ABCC5: variants seen among roughly 807,000 people sequenced by gnomAD.
ABCC5 encodes the protein ATP binding cassette subfamily C member 5.
Under a neutral mutation model 160.9 loss-of-function variants are expected in ABCC5, and 61 were observed. The ratio of observed to expected loss-of-function variants is 0.38; its 90% CI spans 0.31 to 0.47. The LOEUF is 0.47. ABCC5 is among the 20% of genes least tolerant of loss of function. ABCC5 has a pLI of 0.99. For synonymous variants in ABCC5, 666 were observed against 700.6 expected (o/e 0.95, Z 0.78); for missense variants, 1,308 against 1,813.3 (o/e 0.72, Z 5.06).
In ABCC5 at chr3:183,961,738, C is replaced by T. The variant is rs570848955; in HGVS notation, c.2236-84G>A. On this transcript the variant is annotated intron_variant, in intron 15 of 29. Transcript: ENST00000334444. The stretch of plus-strand genomic sequence containing the variant: ...CATACATTAGTTCAGTAGTTCTCTA[C>T]AGGAGACGAGTTAAGCTCCCAGAAG... The T allele has an allele frequency of 3.6e-5, 55 of 1,529,022 alleles. No individual in the cohort carries two copies. In the African/African-American group the frequency reaches 6.9e-4, roughly 19 times the overall value. 94.7% of individuals were successfully genotyped at this position (1,529,022 alleles called of 1,614,324 possible).
chr3:183,983,256 T>C (rs1362016183), intron 5 of ABCC5, among the ~76,000 whole-genome samples: 6 of 152,260 alleles, frequency 3.9e-5, no homozygotes, highest in African/African-American at 1.4e-4. Flanking sequence ...CTCTTTCTAA[T>C]GTAACATAAA....
At chr3:183,968,965 T>A (rs906951827) in intron 11 of ABCC5, among the ~76,000 whole-genome samples, 2 of 152,194 alleles carry the variant, frequency 1.3e-5, no homozygotes, top group African/African-American at 2.4e-5. Context: ...ACAAATAGTT[T>A]TTGACATGGT....
intron 2 of ABCC5, among the ~76,000 whole-genome samples, chr3:184,005,544 C>T (rs1488885512): frequency 6.7e-6 from 1 of 150,256 alleles, no homozygotes; most frequent in African/African-American, 2.5e-5. Flanking sequence ...TTAACCATTG[C>T]AAAGCCTTCT....
intron 9 of ABCC5, 133 bp from the exon 10 acceptor site, chr3:183,977,757 A>AT (rs200446876): frequency 0.092 from 43,651 of 473,654 alleles, no homozygotes; most frequent in South Asian, 0.13. Flanking sequence ...AGTCAATTAC[A>AT]TTTTTTTTTT....
chr3:184,004,071 G>T (rs1293590387), intron 2 of ABCC5, among the ~76,000 whole-genome samples: 3 of 152,118 alleles, frequency 2.0e-5, no homozygotes, highest in Non-Finnish European at 4.4e-5. Flanking sequence ...TCTGGAATAG[G>T]ACCCCAACAC....
intron 24 of ABCC5, among the ~76,000 whole-genome samples, chr3:183,944,115 G>A (rs116472041): frequency 6.6e-6 from 1 of 152,134 alleles, no homozygotes; most frequent in Non-Finnish European, 1.5e-5. Context: ...TTTTCAGGCC[G>A]GACACTATGG....
rs963450878 is a variant in ABCC5, at chr3:183,920,630, C to T, written c.*670G>A. 1.3e-5 allele frequency: 2 copies of T among 152,704 alleles called. No individual in the cohort carries two copies. The highest frequency in any genetic ancestry group is 2.9e-5 in the Non-Finnish European group (2 of 68,076). The allele number at this position is 152,704 out of a possible 1,614,324, so 9.5% of individuals were successfully genotyped here. A position where few individuals can be genotyped will look rare whatever the true frequency, so the allele number is the denominator to read the frequency against. On this transcript the variant is annotated 3_prime_UTR_variant, in exon 30 of 30. Transcript: ENST00000334444. The surrounding 1 kb of genome is among the most constrained non-coding windows in gnomAD (Gnocchi z 4.1). ...CTCCTGACAGAAACAGTAAGTGACA[C>T]CAGGACAGAAGGCAGGAGCCCTGAG...
At chr3:183,965,629 C>G (rs1717148609) in intron 12 of ABCC5, 128 bp from the exon 13 acceptor site, 1 of 1,212,594 alleles carries the variant, frequency 8.2e-7, no homozygotes, top group East Asian at 2.4e-5. Flanking sequence ...GACCCAAATC[C>G]AGATTCCACC....
chr3:183,998,263 T>C (rs193093017), intron 2 of ABCC5, among the ~76,000 whole-genome samples: 1 of 152,282 alleles, frequency 6.6e-6, no homozygotes, highest in Admixed American at 6.5e-5. Context: ...TGCTCCAGTA[T>C]TATTGCAAAA....
chr3:183,951,685 A>C lies in ABCC5; in HGVS notation c.2815-115T>G. On this transcript the variant is annotated intron_variant, in intron 19 of 29. Coordinates refer to ENST00000334444, the MANE Select transcript of ABCC5 (RefSeq NM_005688.4). This position sits in a 1 kb window ranked among gnomAD's most constrained non-coding sequence, Gnocchi z 4.7. ...AAGCGGGGAGGTGTGAGGGGTCAGG[A>C]GGGACAGGTGGCAAGTGAGAAAAGG... 1 of 1,498,866 alleles carries C rather than the reference A, an allele frequency of 6.7e-7. No individual in the cohort carries two copies. 92.8% of individuals were successfully genotyped at this position (1,498,866 alleles called of 1,614,324 possible).
At chr3:183,962,494 C>T (rs912706884) in intron 15 of ABCC5, among the ~76,000 whole-genome samples, 2 of 150,978 alleles carry the variant, frequency 1.3e-5, no homozygotes, top group Admixed American at 6.6e-5. Context: ...TATTGTGCCT[C>T]GTGACATAGT....
intron 17 of ABCC5, among the ~76,000 whole-genome samples, chr3:183,957,080 G>A (rs1577523022): frequency 9.1e-6 from 1 of 110,474 alleles, no homozygotes; most frequent in African/African-American, 3.5e-5. Context: ...ATGCGGGTCC[G>A]TGTGTACATC....
At position 183,951,491 on chromosome 3, in the gene ABCC5, G is replaced by A. The variant is rs564676660; in HGVS notation, c.2894C>T (p.Thr965Met). 74 of 1,614,148 alleles carry A rather than the reference G, an allele frequency of 4.6e-5. No individual in the cohort carries two copies. In the Middle Eastern group the frequency reaches 8.2e-4, roughly 18 times the overall value. The change falls in exon 20 of 30, where the codon ACG becomes ATG. Residue 965 changes from threonine to methionine, a missense_variant. Physicochemically the swap from Thr to Met is moderately conservative, Grantham distance 81. Transcript: ENST00000334444. The surrounding 1 kb of genome is among the most constrained non-coding windows in gnomAD (Gnocchi z 4.7). ...ILRSPMKFFD[T>M]TPTGRILNRF... The stretch of plus-strand genomic sequence containing the variant: ...GTTGAGAATCCTCCCTGTGGGGGTC[G>A]TGTCAAAAAACTTCATAGGGCTTCG...
rs1412254092 is a variant in ABCC5, at chr3:184,017,259, G to C, written c.-56+571C>G. 6.6e-6 allele frequency: 1 copy of C among 152,298 alleles called. No individual in the cohort carries two copies. The highest frequency in any genetic ancestry group is 2.1e-4 in the South Asian group (1 of 4,832). 9.4% of individuals were successfully genotyped at this position (152,298 alleles called of 1,614,324 possible). A position where few individuals can be genotyped will look rare whatever the true frequency, so the allele number is the denominator to read the frequency against. ...ACTGGATGACCGTGGAGAGATCTGG[G>C]CTGCGTTCCCGGCACAGCCACGGCT... On this transcript the variant is annotated intron_variant, in intron 1 of 29. Transcript: ENST00000334444. This position sits in a 1 kb window ranked among gnomAD's most constrained non-coding sequence, Gnocchi z 4.5.
chr3:184,014,184 T>G, intron 2 of ABCC5, 80 bp downstream of exon 2: 1 of 1,417,750 alleles, frequency 7.1e-7, no homozygotes, highest in Non-Finnish European at 9.7e-7. Context: ...AAAAATAAGT[T>G]TCTAAATTAC....
At chr3:183,936,328 G>T (rs1212788328) in intron 26 of ABCC5, among the ~76,000 whole-genome samples, 3 of 152,036 alleles carry the variant, frequency 2.0e-5, no homozygotes, top group Non-Finnish European at 4.4e-5. Context: ...CCCAGTCTAT[G>T]GTATGTTGGT....
At chr3:183,932,717 A>G (rs890707731) in intron 26 of ABCC5, among the ~76,000 whole-genome samples, 3 of 152,210 alleles carry the variant, frequency 2.0e-5, no homozygotes, top group African/African-American at 7.2e-5. Flanking sequence ...TAATCCCAGC[A>G]CTTTGGGAGG....
At chr3:183,976,107 A>T (rs1576879954) in intron 10 of ABCC5, among the ~76,000 whole-genome samples, 1 of 151,480 alleles carries the variant, frequency 6.6e-6, no homozygotes, top group East Asian at 1.9e-4. Context: ...TGGTTTTCTA[A>T]GAAGTGGCCA....
intron 2 of ABCC5, 52 bp downstream of exon 2, chr3:184,014,212 A>G: frequency 6.5e-7 from 1 of 1,534,462 alleles, no homozygotes; most frequent in Admixed American, 1.9e-5. Flanking sequence ...ACGAAAAAAG[A>G]TGTGTTTTAG....
Sources: allele counts gnomAD v4.1 joint callset (sites outside exome capture counted in the v4.1 genomes callset), GRCh38; gene constraint gnomAD v4.1.1; non-coding constraint Gnocchi (gnomAD v3.1); transcripts MANE v1.5; gene names NCBI Gene and HGNC (gene_info 2026-07-23, HGNC 2026-07-21).